Variants in FGF7 observed in about 807,000 individuals in gnomAD.
The protein encoded by FGF7 is fibroblast growth factor 7, also known as FGF-7.
In FGF7, 6 loss-of-function variants were observed where a neutral mutation model predicts 20.5. The ratio of observed to expected loss-of-function variants is 0.29; its 90% confidence interval spans 0.16 to 0.58. FGF7 has a LOEUF of 0.58. Ranked by LOEUF, FGF7 falls within the 20% of genes least tolerant of loss-of-function variation. FGF7 has a pLI of 0.90. For synonymous variants in FGF7, 64 were observed against 74.7 expected (o/e 0.86, Z 0.74); for missense variants, 144 against 228.8 (o/e 0.63, Z 2.39).
chr15:49,450,932 C>G (rs968890332), intron 2 of FGF7, among the ~76,000 whole-genome samples: 1 of 152,134 alleles, frequency 6.6e-6, no homozygotes, highest in Admixed American at 6.6e-5. Context: ...AGTATAGCTA[C>G]AGCTAATCAA....
At chr15:49,451,018 A>G (rs994890270) in intron 2 of FGF7, among the ~76,000 whole-genome samples, 1 of 152,118 alleles carries the variant, frequency 6.6e-6, no homozygotes, top group Admixed American at 6.6e-5. Context: ...GTGGGGAAAT[A>G]TATGTCTAAA....
chr15:49,461,459 T>C (rs576123470), intron 2 of FGF7, among the ~76,000 whole-genome samples: 1 of 152,360 alleles, frequency 6.6e-6, no homozygotes, highest in South Asian at 2.1e-4. Flanking sequence ...ACATCATGTC[T>C]ATTTTTCAAT....
At chr15:49,440,748 G>C (rs1244849704) in intron 2 of FGF7, among the ~76,000 whole-genome samples, 4 of 151,602 alleles carry the variant, frequency 2.6e-5, no homozygotes, top group Admixed American at 2.6e-4. Context: ...TTTGGTTCTA[G>C]TAAACAACAG....
intron 2 of FGF7, 24 bp downstream of exon 2, chr15:49,424,607 A>G: frequency 6.6e-7 from 1 of 1,518,974 alleles, no homozygotes; most frequent in Middle Eastern, 1.9e-4. Flanking sequence ...AGTACTGCTC[A>G]TGAACCTTAG....
At position 49,460,066 on chromosome 15, in the gene FGF7, C is replaced by T. The variant is rs542052114; in HGVS notation, c.287-23085C>T. ...CTGCCTAGTTTGTCTCTACCAACAA[C>T]AAACTTTATGTTTTTGTTAGCACTG... On this transcript the variant is annotated intron_variant, in intron 2 of 3. Transcript: ENST00000267843. Among the ~76,000 whole-genome samples, 134 of 152,256 alleles carry T rather than the reference C, an allele frequency of 8.8e-4. 5 individuals carry two copies. In the South Asian group the frequency reaches 0.027, roughly 30 times the overall value.
intron 2 of FGF7, among the ~76,000 whole-genome samples, chr15:49,454,931 T>G (rs951426827): frequency 1.4e-4 from 21 of 152,132 alleles, no homozygotes; most frequent in African/African-American, 4.6e-4. Context: ...TAAAGCACTC[T>G]CTGCAGGCCT....
At chr15:49,439,432 G>A (rs2051420472) in intron 2 of FGF7, among the ~76,000 whole-genome samples, 1 of 151,752 alleles carries the variant, frequency 6.6e-6, no homozygotes, top group Admixed American at 6.6e-5. Flanking sequence ...TAAAACGTGG[G>A]GGGAGGGAAC....
chr15:49,440,610 A>C (rs1479054223), intron 2 of FGF7, among the ~76,000 whole-genome samples: 1 of 151,812 alleles, frequency 6.6e-6, no homozygotes, highest in East Asian at 1.9e-4. Context: ...ATGGGAGAAT[A>C]AAAACTTCTC....
intron 2 of FGF7, among the ~76,000 whole-genome samples, chr15:49,477,287 G>A (rs575639868): frequency 1.6e-4 from 25 of 152,144 alleles, no homozygotes; most frequent in African/African-American, 3.4e-4. Context: ...ACAGTATTAC[G>A]CAGAATAGTT....
intron 2 of FGF7, among the ~76,000 whole-genome samples, chr15:49,464,822 T>G (rs2054119704): frequency 6.6e-6 from 1 of 152,196 alleles, no homozygotes; most frequent in Non-Finnish European, 1.5e-5. Context: ...CCATTCTCCT[T>G]GCTTAGCGTT....
At chr15:49,431,832 C>A (rs530962109) in intron 2 of FGF7, among the ~76,000 whole-genome samples, 119 of 151,646 alleles carry the variant, frequency 7.8e-4, no homozygotes, top group African/African-American at 2.8e-3. Flanking sequence ...TCTTGATGCA[C>A]TTAAAGAATG....
intron 2 of FGF7, among the ~76,000 whole-genome samples, chr15:49,479,526 T>G (rs536151932): frequency 6.6e-6 from 1 of 151,982 alleles, no homozygotes; most frequent in East Asian, 1.9e-4. Flanking sequence ...ATATTACATA[T>G]TTTTCTATTA....
intron 2 of FGF7, among the ~76,000 whole-genome samples, chr15:49,451,603 T>C (rs1246870001): frequency 2.6e-5 from 4 of 152,142 alleles, no homozygotes; most frequent in Non-Finnish European, 5.9e-5. Flanking sequence ...TTAAATGTAC[T>C]GACTACACAT....
intron 2 of FGF7, among the ~76,000 whole-genome samples, chr15:49,449,204 T>G (rs1210193636): frequency 3.5e-4 from 53 of 151,952 alleles, no homozygotes; most frequent in Admixed American, 3.0e-3. Context: ...GTTACCTAAT[T>G]TCCACCTGCA....
chr15:49,469,904 G>A (rs991520112), intron 2 of FGF7, among the ~76,000 whole-genome samples: 1 of 152,078 alleles, frequency 6.6e-6, no homozygotes, highest in African/African-American at 2.4e-5. Context: ...AAAGAGAATG[G>A]AGAAAATGTA....
chr15:49,462,092 C>T (rs2053850114), intron 2 of FGF7, among the ~76,000 whole-genome samples: 1 of 151,938 alleles, frequency 6.6e-6, no homozygotes, highest in African/African-American at 2.4e-5. Flanking sequence ...GTACTCCAGC[C>T]TGGGTGACAG....
In FGF7 at chr15:49,463,146, A is replaced by G. The variant is rs1351531488; in HGVS notation, c.287-20005A>G. 2.0e-5 allele frequency among the ~76,000 whole-genome samples: 3 copies of G among 152,354 alleles called. No homozygotes were observed. In the East Asian group the frequency reaches 5.8e-4, roughly 29 times the overall value. ...AGTAGGCCTCCATCAGCTCCTGCTT[A>G]GATCAGTACTACAATCTCTTCACTG... On this transcript the variant is annotated intron_variant, in intron 2 of 3. Transcript: ENST00000267843.
intron 2 of FGF7, among the ~76,000 whole-genome samples, chr15:49,426,542 C>G (rs1484076043): frequency 6.6e-6 from 1 of 151,748 alleles, no homozygotes; most frequent in Non-Finnish European, 1.5e-5. Flanking sequence ...AATACATTTG[C>G]ATATGTAAAT....
At position 49,487,806 on chromosome 15, in the gene FGF7, G is replaced by A. The variant is rs576765492; in HGVS notation, c.*3302G>A. ...TACTCCATAATATATTTGTGGTTGCGTTAATATGACAATGTCTGCAATTAA... is the reference window on the plus strand; with the variant it reads ...TACTCCATAATATATTTGTGGTTGCATTAATATGACAATGTCTGCAATTAA... On this transcript the variant is annotated 3_prime_UTR_variant, in exon 4 of 4. Coordinates refer to ENST00000267843, the MANE Select transcript of FGF7 (RefSeq NM_002009.4). 2.6e-5 allele frequency: 4 copies of A among 151,974 alleles called. No homozygotes were observed. Among genetic ancestry groups the A allele is most frequent in the South Asian group, 2.1e-4 (1 of 4,824 alleles). 9.4% of individuals were successfully genotyped at this position (151,974 alleles called of 1,614,324 possible).
Sources: allele counts gnomAD v4.1 joint callset (sites outside exome capture counted in the v4.1 genomes callset), GRCh38; gene constraint gnomAD v4.1.1; transcripts MANE v1.5; gene names NCBI Gene and HGNC (gene_info 2026-07-23, HGNC 2026-07-21).